The following TBPL2 variants were observed in gnomAD, a reference collection of about 807,000 sequenced individuals.
TBPL2 encodes TATA box-binding protein-like 2.
Under a neutral mutation model 38.2 loss-of-function variants are expected in TBPL2, and 40 were observed. That is an observed-to-expected ratio of 1.05 (90% CI 0.81 to 1.36). The LOEUF is 1.36. TBPL2 is among the 40% of genes most tolerant of loss of function. The probability of loss-of-function intolerance (pLI) is 0.00; values close to 1 mark genes in which losing one functional copy is unlikely to be tolerated. For synonymous variants in TBPL2, 169 were observed against 171.7 expected, an observed-to-expected ratio of 0.98 and a Z score of 0.12; for missense variants, 461 against 456.7, an observed-to-expected ratio of 1.01 and a Z score of -0.09.
exon 2 of TBPL2, chr14:55,436,610 T>G: frequency 6.2e-7 from 1 of 1,614,192 alleles, no homozygotes; most frequent in Non-Finnish European, 8.5e-7. Context: ...GTCATTGGTG[T>G]CATGGGAGTT....
chr14:55,433,705 A>T, exon 4 of TBPL2: 4 of 1,614,078 alleles, frequency 2.5e-6, no homozygotes, highest in Non-Finnish European at 3.4e-6. Context: ...GATCCTCATT[A>T]TGACAGCAGC....
At chr14:55,423,438 G>A (rs1885775441) in intron 6 of TBPL2, among the ~76,000 whole-genome samples, 5 of 152,212 alleles carry the variant, frequency 3.3e-5, no homozygotes, top group Admixed American at 2.6e-4. Flanking sequence ...GGTAAAAGCA[G>A]CCAAATGTCT....
chr14:55,439,278 T>TAA (rs34693240), intron 1 of TBPL2, among the ~76,000 whole-genome samples: 55,860 of 133,512 alleles, frequency 0.42, 12,541 homozygotes, highest in Admixed American at 0.53. Flanking sequence ...TAATTAACTT[T>TAA]AAAAAAAAAA....
chr14:55,437,117 C>A (rs768490785), intron 1 of TBPL2, 99 bp from the exon 2 acceptor site: 38 of 1,063,626 alleles, frequency 3.6e-5, no homozygotes, highest in Non-Finnish European at 4.7e-5. Flanking sequence ...GCAATGTATT[C>A]AGTGTAAGAG....
chr14:55,414,699 C>T (rs913757354), intron 6 of TBPL2, among the ~76,000 whole-genome samples: 2 of 152,150 alleles, frequency 1.3e-5, no homozygotes, highest in East Asian at 3.8e-4. Context: ...TCACACAGTG[C>T]TCAGTATGAA....
At chr14:55,439,618 C>CCCCCCCCCCCT (rs1555344751) in intron 1 of TBPL2, among the ~76,000 whole-genome samples, 3 of 60,234 alleles carry the variant, frequency 5.0e-5, no homozygotes, top group Non-Finnish European at 9.5e-5. Context: ...AAGCAAACCC[C>CCCCCCCCCCCT]CCCCCGTCTC....
At chr14:55,428,163 T>C in intron 5 of TBPL2, among the ~76,000 whole-genome samples, 1 of 112,628 alleles carries the variant, frequency 8.9e-6, no homozygotes, top group East Asian at 3.2e-4. Context: ...GGAGTCTCGC[T>C]CTGTCGCCCA....
intron 1 of TBPL2, among the ~76,000 whole-genome samples, chr14:55,437,631 A>T (rs1159208599): frequency 6.6e-6 from 1 of 152,248 alleles, no homozygotes; most frequent in Non-Finnish European, 1.5e-5. Flanking sequence ...CAATAGAGGC[A>T]ATTGAGCAAC....
intron 1 of TBPL2, 109 bp downstream of exon 1, chr14:55,440,287 C>G: frequency 1.5e-6 from 2 of 1,372,506 alleles, no homozygotes; most frequent in Non-Finnish European, 2.0e-6. Context: ...GGAAACCAAG[C>G]CCGCCTCTTA....
chr14:55,439,617 C>CCCCTCCCG (rs1555344748), intron 1 of TBPL2, among the ~76,000 whole-genome samples: 1 of 72,628 alleles, frequency 1.4e-5, no homozygotes, highest in African/African-American at 4.5e-5. Context: ...AAAGCAAACC[C>CCCCTCCCG]CCCCCCGTCT....
chr14:55,419,246 T>C lies in TBPL2; in HGVS notation c.1052-4791A>G, dbSNP rs538588656. 1.5e-4 allele frequency among the ~76,000 whole-genome samples: 23 copies of C among 152,324 alleles called. No individual in the cohort carries two copies. The East Asian group carries it at 3.7e-3, about 24-fold the overall frequency. On this transcript the variant is annotated intron_variant, in intron 6 of 6. Transcript: ENST00000247219. The stretch of plus-strand genomic sequence containing the variant: ...CACACAGCTGCTTGATATCGTTAAG[T>C]TTACTAAGCCGTTCCATTTTACAGG...
chr14:55,439,930 C>CAAAAAAAAA (rs71131272), intron 1 of TBPL2, among the ~76,000 whole-genome samples: 890 of 39,116 alleles, frequency 0.023, 110 homozygotes, highest in African/African-American at 0.079. Context: ...GACTCTGTCT[C>CAAAAAAAAA]AAAAAAAAAA....
chr14:55,431,587 T>A (rs1328212320), intron 4 of TBPL2, among the ~76,000 whole-genome samples: 1 of 152,238 alleles, frequency 6.6e-6, no homozygotes, highest in Non-Finnish European at 1.5e-5. Flanking sequence ...AACTGTCCAA[T>A]AATCACTTTA....
chr14:55,438,136 C>G (rs998025221), intron 1 of TBPL2, among the ~76,000 whole-genome samples: 3 of 152,102 alleles, frequency 2.0e-5, no homozygotes, highest in African/African-American at 7.2e-5. Context: ...GCAGGAGAAA[C>G]TCAAAAAGAT....
chr14:55,418,898 C>G (rs1179808485), intron 6 of TBPL2, among the ~76,000 whole-genome samples: 1 of 152,176 alleles, frequency 6.6e-6, no homozygotes, highest in Non-Finnish European at 1.5e-5. Flanking sequence ...TTCCTTACAA[C>G]ACTTAGGTAG....
chr14:55,435,810 G>T, intron 3 of TBPL2, 37 bp downstream of exon 3: 1 of 1,320,894 alleles, frequency 7.6e-7, no homozygotes, highest in South Asian at 1.3e-5. Context: ...AATCTAAAGA[G>T]AAGCTAATTA....
At chr14:55,435,458 T>C (rs1417718401) in intron 3 of TBPL2, among the ~76,000 whole-genome samples, 1 of 152,084 alleles carries the variant, frequency 6.6e-6, no homozygotes, top group Admixed American at 6.5e-5. Context: ...GTATTTTTAG[T>C]AGAGACGGGA....
intron 4 of TBPL2, among the ~76,000 whole-genome samples, chr14:55,431,906 T>G (rs1459447075): frequency 6.6e-6 from 1 of 152,170 alleles, no homozygotes; most frequent in Admixed American, 6.5e-5. Context: ...TATAGAACAT[T>G]TCCATCTAGA....
intron 5 of TBPL2, among the ~76,000 whole-genome samples, chr14:55,428,318 A>T (rs1232587234): frequency 6.6e-6 from 1 of 151,462 alleles, no homozygotes; most frequent in Non-Finnish European, 1.5e-5. Flanking sequence ...TTTAGTAGAG[A>T]CAGGGTTTCA....
Sources: allele counts gnomAD v4.1 joint callset (sites outside exome capture counted in the v4.1 genomes callset), GRCh38; gene constraint gnomAD v4.1.1; transcripts MANE v1.5; gene names NCBI Gene and HGNC (gene_info 2026-07-23, HGNC 2026-07-21).